LRRTM4: variants seen among roughly 807,000 people sequenced by gnomAD.
LRRTM4 encodes the protein leucine-rich repeat transmembrane neuronal protein 4.
A neutral mutation model predicts 47.6 loss-of-function variants in LRRTM4; 25 were observed. That is an observed-to-expected ratio of 0.53 (90% CI 0.38 to 0.73). The LOEUF is 0.73. Among genes scored for constraint, LRRTM4 ranks in the 30% least tolerant of loss-of-function variants. The probability of loss-of-function intolerance (pLI) is 0.00; values close to 1 mark genes in which losing one functional copy is unlikely to be tolerated. For missense variants in LRRTM4, 638 were observed against 713.4 expected (o/e 0.89, Z 1.20); for synonymous variants, 311 against 269.5 (o/e 1.15, Z -1.51).
chr2:77,363,011 A>G (rs1672299914), intron 3 of LRRTM4, among the ~76,000 whole-genome samples: 1 of 152,154 alleles, frequency 6.6e-6, no homozygotes, highest in Admixed American at 6.5e-5. Context: ...ACTGTCCACC[A>G]TTTTTCTGAT....
At chr2:76,777,330 A>G (rs1332988138) in intron 3 of LRRTM4, among the ~76,000 whole-genome samples, 4 of 141,814 alleles carry the variant, frequency 2.8e-5, no homozygotes, top group Non-Finnish European at 4.6e-5. Flanking sequence ...ATGGCATTGA[A>G]TCTGTAAATT....
intron 3 of LRRTM4, among the ~76,000 whole-genome samples, chr2:76,754,473 T>A (rs1316274306): frequency 1.3e-5 from 2 of 152,170 alleles, no homozygotes; most frequent in African/African-American, 4.8e-5. Context: ...TAGGAACAAC[T>A]GAACCTAGGA....
chr2:77,255,104 C>T lies in LRRTM4; in HGVS notation c.1551+263214G>A, dbSNP rs150579465. 8.4e-3 allele frequency among the ~76,000 whole-genome samples: 1,275 copies of T among 151,904 alleles called. 15 individuals are homozygous for T. Among genetic ancestry groups the T allele is most frequent in the African/African-American group, 0.028 (1,172 of 41,498 alleles). ...TAAAAGTATATATAAAGAATATGTG[C>T]ATAATCAAAGAAAACAGTCATAGCT... On this transcript the variant is annotated intron_variant, in intron 3 of 3. Transcript: ENST00000409884.
intron 3 of LRRTM4, among the ~76,000 whole-genome samples, chr2:76,834,207 AT>A (rs11355686): frequency 0.39 from 54,666 of 140,988 alleles, 11,458 homozygotes; most frequent in East Asian, 0.68. Flanking sequence ...TGCCAAGCTA[AT>A]TTTTTTTTTT....
chr2:76,885,531 C>A (rs971320610), intron 3 of LRRTM4, among the ~76,000 whole-genome samples: 1 of 148,698 alleles, frequency 6.7e-6, no homozygotes, highest in East Asian at 2.0e-4. Context: ...GGCGCGATCT[C>A]GGCTCACTGC....
intron 3 of LRRTM4, among the ~76,000 whole-genome samples, chr2:77,043,833 G>C (rs904294085): frequency 6.6e-6 from 1 of 151,298 alleles, no homozygotes; most frequent in Non-Finnish European, 1.5e-5. Context: ...TTATATGGCA[G>C]ATAAAAAAAT....
At chr2:77,318,248 C>T (rs1357076962) in intron 3 of LRRTM4, among the ~76,000 whole-genome samples, 1 of 152,148 alleles carries the variant, frequency 6.6e-6, no homozygotes, top group African/African-American at 2.4e-5. Context: ...ACTCGTGATC[C>T]ACCAGCCTTG....
intron 3 of LRRTM4, among the ~76,000 whole-genome samples, chr2:77,280,251 G>T (rs2104097605): frequency 6.6e-6 from 1 of 152,032 alleles, no homozygotes; most frequent in South Asian, 2.1e-4. Context: ...GCCGGAAAAG[G>T]AAATAAATCA....
intron 3 of LRRTM4, among the ~76,000 whole-genome samples, chr2:77,251,038 G>A (rs1020758622): frequency 1.3e-5 from 2 of 151,830 alleles, no homozygotes. Context: ...GGGAGGTGGA[G>A]GTTGCAGTGA....
intron 2 of LRRTM4, 64 bp downstream of exon 2, chr2:77,521,604 G>A (rs1310810069): frequency 5.6e-6 from 9 of 1,598,598 alleles, no homozygotes; most frequent in Middle Eastern, 3.3e-4. Flanking sequence ...CTAATGCCAC[G>A]ACTGAGGATA....
intron 3 of LRRTM4, among the ~76,000 whole-genome samples, chr2:77,183,512 A>G (rs571321224): frequency 2.0e-5 from 3 of 152,314 alleles, no homozygotes; most frequent in African/African-American, 7.2e-5. Context: ...CCATTGTGGA[A>G]GTCAGTGTGG....
At chr2:77,461,586 A>G (rs1450514955) in intron 3 of LRRTM4, among the ~76,000 whole-genome samples, 1 of 152,132 alleles carries the variant, frequency 6.6e-6, no homozygotes, top group African/African-American at 2.4e-5. Flanking sequence ...TATTTTCAAT[A>G]ACGACTATTT....
intron 3 of LRRTM4, among the ~76,000 whole-genome samples, chr2:76,818,360 C>G (rs756535677): frequency 3.3e-5 from 5 of 151,580 alleles, no homozygotes; most frequent in Non-Finnish European, 5.9e-5. Flanking sequence ...TTCAATAGAG[C>G]TGCAAGCAGA....
At chr2:77,049,122 T>TTATATATATATATATATA (rs3058032) in intron 3 of LRRTM4, among the ~76,000 whole-genome samples, 5 of 62,684 alleles carry the variant, frequency 8.0e-5, no homozygotes, top group South Asian at 5.9e-4. Flanking sequence ...ATTTCATTTT[T>TTATATATATATATATATA]TATATATATA....
At chr2:76,901,217 A>G (rs917018153) in intron 3 of LRRTM4, among the ~76,000 whole-genome samples, 1 of 151,988 alleles carries the variant, frequency 6.6e-6, no homozygotes, top group Non-Finnish European at 1.5e-5. Context: ...CCAAACCCCT[A>G]CAGGCCCCAG....
At chr2:76,897,809 C>G in intron 3 of LRRTM4, among the ~76,000 whole-genome samples, 1 of 152,134 alleles carries the variant, frequency 6.6e-6, no homozygotes, top group Non-Finnish European at 1.5e-5. Context: ...TCTGCAGTCT[C>G]CTTTCCTTGA....
chr2:77,019,873 G>A (rs945893530), intron 3 of LRRTM4, among the ~76,000 whole-genome samples: 1 of 152,134 alleles, frequency 6.6e-6, no homozygotes, highest in Non-Finnish European at 1.5e-5. Context: ...TAGAAAAATG[G>A]CAAAGAGGCT....
At chr2:76,849,757 GT>G (rs1196392980) in intron 3 of LRRTM4, among the ~76,000 whole-genome samples, 1 of 152,016 alleles carries the variant, frequency 6.6e-6, no homozygotes, top group East Asian at 1.9e-4. Flanking sequence ...ATTTGAATCT[GT>G]ATTTTATAAT....
chr2:77,504,660 G>A (rs749103387), intron 3 of LRRTM4, among the ~76,000 whole-genome samples: 1 of 151,508 alleles, frequency 6.6e-6, no homozygotes, highest in Non-Finnish European at 1.5e-5. Flanking sequence ...AAAATTACAT[G>A]TAATGATCTA....
Sources: allele counts gnomAD v4.1 joint callset (sites outside exome capture counted in the v4.1 genomes callset), GRCh38; gene constraint gnomAD v4.1.1; transcripts MANE v1.5; gene names NCBI Gene and HGNC (gene_info 2026-07-23, HGNC 2026-07-21).